Variants in SEM1 observed in about 807,000 individuals in gnomAD.
The protein encoded by SEM1 is 26S proteasome complex subunit SEM1.
Under a neutral mutation model 12.7 loss-of-function variants are expected in SEM1, and 3 were observed. The ratio of observed to expected loss-of-function variants is 0.24; its 90% CI spans 0.11 to 0.61. The LOEUF (loss-of-function observed/expected upper bound fraction) is 0.61, where lower values mean the gene tolerates loss of function less well. Ranked by LOEUF, SEM1 falls within the 20% of genes least tolerant of loss-of-function variation. SEM1 has a pLI of 0.88. For missense variants in SEM1, 59 were observed against 81.3 expected (o/e 0.73, Z 1.06); for synonymous variants, 30 against 27.8 (o/e 1.08, Z -0.25).
chr7:96,700,653 A>G (rs1018257685), intron 1 of SEM1, among the ~76,000 whole-genome samples: 43 of 152,226 alleles, frequency 2.8e-4, no homozygotes, highest in African/African-American at 1.0e-3. Flanking sequence ...AGTTCATCAC[A>G]TCTTTCAATG....
At chr7:96,560,701 GT>G (rs558618046) in intron 2 of SEM1, among the ~76,000 whole-genome samples, 2,023 of 146,896 alleles carry the variant, frequency 0.014, 32 homozygotes, top group African/African-American at 0.042. Flanking sequence ...TCTGTCTCAA[GT>G]TTTTTTTTTA....
At chr7:96,541,654 G>A (rs1804959525) in intron 2 of SEM1, among the ~76,000 whole-genome samples, 1 of 151,390 alleles carries the variant, frequency 6.6e-6, no homozygotes, top group Non-Finnish European at 1.5e-5. Context: ...TGAGGTCTTA[G>A]ACATTTCTCT....
At chr7:96,666,265 C>A (rs938984761) in intron 2 of SEM1, among the ~76,000 whole-genome samples, 1 of 152,070 alleles carries the variant, frequency 6.6e-6, no homozygotes, top group African/African-American at 2.4e-5. Context: ...TGAACGGAGG[C>A]CCTGTGGTCT....
intron 2 of SEM1, among the ~76,000 whole-genome samples, chr7:96,530,671 AC>A (rs1431678531): frequency 6.6e-6 from 1 of 152,086 alleles, no homozygotes; most frequent in African/African-American, 2.4e-5. Flanking sequence ...AGACCAGAAA[AC>A]AATTCGGCGT....
At chr7:96,546,147 A>G (rs902402593) in intron 2 of SEM1, among the ~76,000 whole-genome samples, 16 of 152,110 alleles carry the variant, frequency 1.1e-4, no homozygotes. Flanking sequence ...TGAAGCGATC[A>G]ATGAGGCAAA....
At chr7:96,483,503 A>T (rs1028763199) in exon 4 of SEM1, 1 of 259,300 alleles carries the variant, frequency 3.9e-6, no homozygotes, top group African/African-American at 2.3e-5. Flanking sequence ...GCTTAACCCA[A>T]CAAAAGCATT....
intron 2 of SEM1, among the ~76,000 whole-genome samples, chr7:96,645,207 ATTTG>A (rs1236712882): frequency 1.4e-4 from 21 of 152,160 alleles, no homozygotes; most frequent in African/African-American, 5.1e-4. Context: ...ATATTTAAGC[ATTTG>A]TTCGTTCGTA....
chr7:96,533,696 G>T (rs1324279409), intron 2 of SEM1, among the ~76,000 whole-genome samples: 1 of 151,920 alleles, frequency 6.6e-6, no homozygotes, highest in African/African-American at 2.4e-5. Context: ...CCTCTGGGGG[G>T]TCCCTAAGAT....
chr7:96,619,835 C>T (rs1807833125), downstream of SEM1, among the ~76,000 whole-genome samples: 1 of 152,058 alleles, frequency 6.6e-6, no homozygotes, highest in Admixed American at 6.5e-5. Flanking sequence ...CATGTTCTTC[C>T]CCTAGATGGG....
At chr7:96,493,580 G>T (rs1261558276) in intron 1 of SEM1, among the ~76,000 whole-genome samples, 1 of 152,114 alleles carries the variant, frequency 6.6e-6, no homozygotes, top group Non-Finnish European at 1.5e-5. Context: ...TGATACAGCT[G>T]CATGCTTCCA....
At chr7:96,684,058 C>CTTGTT (rs1416888917), downstream of SEM1, among the ~76,000 whole-genome samples, 29 of 152,070 alleles carry the variant, frequency 1.9e-4, no homozygotes, top group East Asian at 5.4e-3. Context: ...CGTTTGTAGG[C>CTTGTT]TTGTTTTACA....
intron 2 of SEM1, among the ~76,000 whole-genome samples, chr7:96,511,002 C>T (rs943581183): frequency 1.3e-5 from 2 of 152,086 alleles, no homozygotes; most frequent in African/African-American, 2.4e-5. Context: ...ACCCCTGCAG[C>T]CACTGGAACC....
chr7:96,659,889 A>C lies in SEM1; in HGVS notation c.170+34909T>G, dbSNP rs74463646. Among the ~76,000 whole-genome samples the C allele has an allele frequency of 7.5e-4, 113 of 150,764 alleles. No individual in the cohort carries two copies. The East Asian group carries it at 0.02, about 26-fold the overall frequency. On this transcript the variant is annotated intron_variant, in intron 2 of 2. Coordinates refer to the SEM1 transcript ENST00000417009. ...GAAGAATCAGAGGAAATGTGAATCA[A>C]ATAGAAGAAAGAAAGTAAGATGGCA... is the stretch of plus-strand genomic sequence containing the variant.
intron 2 of SEM1, among the ~76,000 whole-genome samples, chr7:96,525,351 T>A (rs1459883389): frequency 6.6e-6 from 1 of 151,894 alleles, no homozygotes; most frequent in Non-Finnish European, 1.5e-5. Context: ...GCTGTCTGTG[T>A]TTTAACAAAC....
chr7:96,523,546 C>A (rs1263511522), intron 2 of SEM1, among the ~76,000 whole-genome samples: 1 of 152,146 alleles, frequency 6.6e-6, no homozygotes. Flanking sequence ...CCCCACATCA[C>A]TCTGATCATC....
upstream of SEM1, among the ~76,000 whole-genome samples, chr7:96,496,834 T>C (rs558421047): frequency 1.4e-3 from 206 of 152,248 alleles, no homozygotes; most frequent in South Asian, 3.5e-3. Flanking sequence ...TTTTTTAAAG[T>C]CTGAATTCCT....
At chr7:96,483,805 C>T in exon 4 of SEM1, 3 of 1,534,930 alleles carry the variant, frequency 2.0e-6, no homozygotes, top group South Asian at 2.4e-5. Context: ...ATGTTTACTT[C>T]AATAGATGTG....
chr7:96,543,237 TATTTAC>T (rs1242328567), intron 2 of SEM1, among the ~76,000 whole-genome samples: 4 of 152,008 alleles, frequency 2.6e-5, no homozygotes, highest in African/African-American at 4.8e-5. Flanking sequence ...GTATAACAAC[TATTTAC>T]ATTTACATTT....
chr7:96,667,477 G>C (rs529922436), intron 2 of SEM1, among the ~76,000 whole-genome samples: 1 of 152,144 alleles, frequency 6.6e-6, no homozygotes, highest in Admixed American at 6.5e-5. Context: ...TATTGGCCAC[G>C]GTAAACTTGG....
Sources: allele counts gnomAD v4.1 joint callset (sites outside exome capture counted in the v4.1 genomes callset), GRCh38; gene constraint gnomAD v4.1.1; transcripts MANE v1.5; gene names NCBI Gene and HGNC (gene_info 2026-07-23, HGNC 2026-07-21).